CLSTN1: variants seen among roughly 807,000 people sequenced by gnomAD.
CLSTN1 encodes calsyntenin-1.
A neutral mutation model predicts 108.3 loss-of-function variants in CLSTN1; 28 were observed. The ratio of observed to expected loss-of-function variants is 0.26; its 90% CI spans 0.19 to 0.35. The LOEUF (loss-of-function observed/expected upper bound fraction) is 0.35, where lower values mean the gene tolerates loss of function less well. CLSTN1 is among the 10% of genes least tolerant of loss of function. The pLI is 1.00. For missense variants in CLSTN1, 1,157 were observed against 1,302.6 expected (o/e 0.89, Z 1.72); for synonymous variants, 524 against 534.9 (o/e 0.98, Z 0.28).
chr1:9,785,223 G>T (rs938100047), intron 1 of CLSTN1, among the ~76,000 whole-genome samples: 4 of 152,054 alleles, frequency 2.6e-5, no homozygotes, highest in African/African-American at 9.7e-5. Context: ...GGCCAGTCTG[G>T]TCTCAAACTC....
chr1:9,806,806 G>A (rs1209905290), intron 1 of CLSTN1, among the ~76,000 whole-genome samples: 1 of 152,088 alleles, frequency 6.6e-6, no homozygotes, highest in Non-Finnish European at 1.5e-5. Context: ...GTGAACCCAG[G>A]AGGTGGAGCT....
chr1:9,738,965 T>G (rs566819821), intron 10 of CLSTN1, among the ~76,000 whole-genome samples: 2 of 152,222 alleles, frequency 1.3e-5, no homozygotes, highest in African/African-American at 4.8e-5. Flanking sequence ...TTTCATAAAT[T>G]TCTAACCTTA....
intron 2 of CLSTN1, among the ~76,000 whole-genome samples, chr1:9,758,055 A>C (rs1557701331): frequency 6.6e-6 from 1 of 152,034 alleles, no homozygotes; most frequent in Non-Finnish European, 1.5e-5. Context: ...ATGGAGTAAC[A>C]AGATCTCGGC....
At chr1:9,804,361 CAA>C (rs35632390) in intron 1 of CLSTN1, among the ~76,000 whole-genome samples, 4,372 of 65,048 alleles carry the variant, frequency 0.067, 209 homozygotes, top group African/African-American at 0.2. Context: ...GACTCCATCT[CAA>C]AAAAAAAAAA....
At chr1:9,797,174 G>C (rs766527687) in intron 1 of CLSTN1, among the ~76,000 whole-genome samples, 1 of 152,146 alleles carries the variant, frequency 6.6e-6, no homozygotes, top group Admixed American at 6.6e-5. Flanking sequence ...CCATCTGAAA[G>C]GCATCCAAAG....
At chr1:9,800,800 G>A (rs561594968) in intron 1 of CLSTN1, among the ~76,000 whole-genome samples, 1 of 151,700 alleles carries the variant, frequency 6.6e-6, no homozygotes, top group South Asian at 2.1e-4. Flanking sequence ...GGCCAGGAGT[G>A]TGGTGGCATG....
chr1:9,814,233 A>T (rs1654882702), intron 1 of CLSTN1, among the ~76,000 whole-genome samples: 1 of 149,300 alleles, frequency 6.7e-6, no homozygotes, highest in Non-Finnish European at 1.5e-5. Flanking sequence ...AATATGGTAA[A>T]ACCCCATCTC....
At position 9,730,498 on chromosome 1, in the gene CLSTN1, G is replaced by T; in HGVS notation, c.*10C>A. ...TCGAAAGCAGAAACCGAGGTGGCCG[G>T]GGGCACGGGTCAGTAGCTGAGGGTG... On this transcript the variant is annotated 3_prime_UTR_variant, in exon 19 of 19. Transcript: ENST00000377298. This position sits in a 1 kb window ranked among gnomAD's most constrained non-coding sequence, Gnocchi z 5.6. 1 of 1,601,076 alleles carries T rather than the reference G, an allele frequency of 6.2e-7. No homozygotes were observed. The highest frequency in any genetic ancestry group is 8.5e-7 in the Non-Finnish European group (1 of 1,179,422).
intron 1 of CLSTN1, among the ~76,000 whole-genome samples, chr1:9,775,472 C>T (rs1011020423): frequency 2.6e-5 from 4 of 151,608 alleles, no homozygotes; most frequent in African/African-American, 9.7e-5. Flanking sequence ...ATCATTTAGC[C>T]CCTGTCTGCT....
Position 9,731,329 on chromosome 1 carries a change from A to C in CLSTN1, c.2625T>G (p.Ile875Met). The change falls in exon 18 of 19, where the codon ATT (isoleucine) becomes ATG (methionine). Residue 875 changes from isoleucine to methionine, a missense_variant. By Grantham distance (10) the Ile-to-Met change is conservative (BLOSUM62 1). Coordinates refer to ENST00000377298, the MANE Select transcript of CLSTN1 (RefSeq NM_001009566.3). The stretch of plus-strand genomic sequence containing the variant: ...CCCGGATCCGAAATACCCCCAGGAT[A>C]ATCATGAACACCAGGAAGCTGACGC... ...VVCVSFLVFM[I>M]ILGVFRIRAA... 1 of 1,614,238 alleles carries C rather than the reference A, an allele frequency of 6.2e-7. No individual in the cohort carries two copies. Among genetic ancestry groups the C allele is most frequent in the Non-Finnish European group, 8.5e-7 (1 of 1,180,042 alleles).
intron 4 of CLSTN1, among the ~76,000 whole-genome samples, chr1:9,752,468 A>G (rs1390432976): frequency 2.6e-5 from 4 of 152,216 alleles, no homozygotes; most frequent in African/African-American, 7.2e-5. Flanking sequence ...CCTTCTGCTC[A>G]CCATGAGCCT....
chr1:9,763,214 G>A (rs531286229), intron 2 of CLSTN1, among the ~76,000 whole-genome samples: 4 of 151,956 alleles, frequency 2.6e-5, no homozygotes, highest in African/African-American at 9.7e-5. Flanking sequence ...TCCTTGCCTC[G>A]GCCTCCCAAA....
At chr1:9,737,275 T>C (rs1467735333) in intron 11 of CLSTN1, among the ~76,000 whole-genome samples, 1 of 151,912 alleles carries the variant, frequency 6.6e-6, no homozygotes, top group Non-Finnish European at 1.5e-5. Context: ...GGAAGTCCCA[T>C]GCATGCACTG....
chr1:9,784,172 C>CAAA (rs34315931), intron 1 of CLSTN1, among the ~76,000 whole-genome samples: 1 of 83,700 alleles, frequency 1.2e-5, no homozygotes, highest in Non-Finnish European at 2.4e-5. Flanking sequence ...AACTCTATCT[C>CAAA]AAAAAAAAAA....
chr1:9,735,457 C>A lies in CLSTN1; in HGVS notation c.1883+10G>T. The A allele has an allele frequency of 6.2e-7, 1 of 1,614,190 alleles. No homozygotes were observed. The highest frequency in any genetic ancestry group is 8.5e-7 in the Non-Finnish European group (1 of 1,180,032). ...GCAAAACAGGCCGGCTGTTAAAAAT[C>A]AGGACGTACTTGATTGTGCTGGTGA... On this transcript the variant is annotated intron_variant, in intron 13 of 18. Coordinates refer to ENST00000377298, the MANE Select transcript of CLSTN1 (RefSeq NM_001009566.3).
rs577019006 is a variant in CLSTN1 at position 9,759,525 on chromosome 1, G to A, written c.215-3015C>T. ...TCTTGATCTCCTGACCTCATGATCCGCCCGCCTCGGCCTCCCAAAGTGCTG... is the reference window on the plus strand; with the variant it reads ...TCTTGATCTCCTGACCTCATGATCCACCCGCCTCGGCCTCCCAAAGTGCTG... On this transcript the variant is annotated intron_variant, in intron 2 of 18. Coordinates refer to ENST00000377298, the MANE Select transcript of CLSTN1 (RefSeq NM_001009566.3). 4.6e-5 allele frequency among the ~76,000 whole-genome samples: 7 copies of A among 152,276 alleles called. No individual in the cohort carries two copies. The East Asian group carries it at 9.7e-4, about 21-fold the overall frequency.
chr1:9,780,886 C>T (rs776107440), intron 1 of CLSTN1: 4 of 311,292 alleles, frequency 1.3e-5, no homozygotes, highest in East Asian at 1.4e-4. Context: ...AAATGCGGTG[C>T]GGGAGACCAT....
intron 3 of CLSTN1, 151 bp downstream of exon 3, chr1:9,756,330 A>G (rs1408773165): frequency 1.6e-6 from 1 of 637,940 alleles, no homozygotes; most frequent in Non-Finnish European, 2.7e-6. Flanking sequence ...TACAATTTCC[A>G]TCAATATACT....
Position 9,736,006 on chromosome 1 carries a change from T to C in CLSTN1, c.1613A>G (p.Asn538Ser), listed in dbSNP as rs148680047. Residue 538 changes from asparagine to serine, a missense_variant, in exon 12 of 19, where the codon AAT becomes AGT. Physicochemically the swap from Asn to Ser is conservative, Grantham distance 46 (BLOSUM62 1). Transcript: ENST00000377298. Reference protein sequence around the residue: ...DLHMTQFFRGNLAGLTLRSGK... With the variant: ...DLHMTQFFRGSLAGLTLRSGK... Reference sequence around the variant, plus strand: ...GGAACGGAGAGTTAAGCCAGCCAGATTGCCTCGGAAAAACTGGGTCATGTG... The same window carrying C: ...GGAACGGAGAGTTAAGCCAGCCAGACTGCCTCGGAAAAACTGGGTCATGTG... The C allele has an allele frequency of 9.4e-5, 152 of 1,614,028 alleles. No individual in the cohort carries two copies. The highest frequency in any genetic ancestry group is 1.9e-4 in the African/African-American group (14 of 74,902).
Sources: gnomAD v4.1 joint callset for allele counts (sites outside exome capture counted in the v4.1 genomes callset) on GRCh38, gnomAD v4.1.1 for gene constraint, Gnocchi (gnomAD v3.1) non-coding constraint, MANE v1.5 for transcripts, NCBI Gene and HGNC (gene_info 2026-07-23, HGNC 2026-07-21) for gene names.